The following SELP variants were observed in gnomAD, a reference collection of about 807,000 sequenced individuals.
SELP encodes the protein P-selectin.
A neutral mutation model predicts 104.1 loss-of-function variants in SELP; 92 were observed. The observed-to-expected ratio is 0.88, with a 90% CI of 0.75 to 1.05. The LOEUF (loss-of-function observed/expected upper bound fraction) is 1.05, where lower values mean the gene tolerates loss of function less well. Among genes scored for constraint, SELP ranks in the 50% least tolerant of loss-of-function variants. The pLI is 0.00. For synonymous variants in SELP, 397 were observed against 364.5 expected, an observed-to-expected ratio of 1.09 and a Z score of -1.01; for missense variants, 1,022 against 1,017.3, an observed-to-expected ratio of 1.00 and a Z score of -0.06.
In SELP at chr1:169,609,806, A is replaced by C. The variant is rs1230558995; in HGVS notation, c.1148-117T>G. ...ACATTTTCAGTGTGTTCAGAACCCT[A>C]AAACCTCCATTTTCCAAAAGAGAGA... On this transcript the variant is annotated intron_variant, in intron 7 of 16. Transcript: ENST00000263686. 6.3e-6 allele frequency: 6 copies of C among 949,234 alleles called. No individual in the cohort carries two copies. The East Asian group carries it at 1.6e-4, about 26-fold the overall frequency. The allele number at this position is 949,234 out of a possible 1,614,324, so 58.8% of individuals were successfully genotyped here.
intron 5 of SELP, 104 bp from the exon 6 acceptor site, chr1:169,612,506 G>T: frequency 9.1e-7 from 1 of 1,100,346 alleles, no homozygotes. Context: ...CAAAGTGGCA[G>T]GCAGGTTGAT....
At chr1:169,591,512 G>T in intron 14 of SELP, 56 bp from the exon 15 acceptor site, 3 of 1,268,532 alleles carry the variant, frequency 2.4e-6, no homozygotes, top group Non-Finnish European at 3.3e-6. Flanking sequence ...CAAGATGAAA[G>T]AGAGGGTCAT....
intron 1 of SELP, among the ~76,000 whole-genome samples, chr1:169,625,774 T>G (rs1352247226): frequency 6.6e-6 from 1 of 152,200 alleles, no homozygotes; most frequent in Non-Finnish European, 1.5e-5. Flanking sequence ...TTTACAGTAG[T>G]GATAATAGCT....
chr1:169,624,091 G>T (rs1663260938), intron 1 of SELP, among the ~76,000 whole-genome samples: 2 of 152,332 alleles, frequency 1.3e-5, no homozygotes, highest in East Asian at 3.9e-4. Flanking sequence ...TGTGTTAACT[G>T]TAAGGCAACT....
intron 7 of SELP, among the ~76,000 whole-genome samples, chr1:169,610,515 G>A (rs2235304): frequency 0.06 from 9,063 of 152,106 alleles, 399 homozygotes; most frequent in East Asian, 0.19. Flanking sequence ...CCAAAAATCC[G>A]GCTGAGCACA....
At chr1:169,597,949 T>A (rs1661716703) in intron 10 of SELP, among the ~76,000 whole-genome samples, 1 of 152,182 alleles carries the variant, frequency 6.6e-6, no homozygotes, top group Admixed American at 6.5e-5. Flanking sequence ...ATTCTTCAAC[T>A]TTTTGTCTGA....
chr1:169,621,724 G>A lies in SELP; in HGVS notation c.4-2505C>T, dbSNP rs3917689. Among the ~76,000 whole-genome samples, 1,046 of 152,292 alleles carry A rather than the reference G, an allele frequency of 6.9e-3. 12 individuals are homozygous for A. Among genetic ancestry groups the A allele is most frequent in the African/African-American group, 0.024 (997 of 41,550 alleles). The stretch of plus-strand genomic sequence containing the variant: ...ACTTTGGTAAGTAGGCATATTTTGT[G>A]TTCTTATAAGCTGCTGATCTCTGCA... On this transcript the variant is annotated intron_variant, in intron 1 of 16. Transcript: ENST00000263686.
chr1:169,597,028 A>T lies in SELP; in HGVS notation c.1854T>A (p.Thr618=). Residue 618 remains threonine, a synonymous_variant, in exon 11 of 17, where the codon ACT becomes ACA. Coordinates refer to ENST00000263686, the MANE Select transcript of SELP (RefSeq NM_003005.4). ...GTGGAGTAGCTGACCATCTTCCAGA[A>T]GTTGTGCATTCCACATTATTGGGCC... ...LEGPNNVECT[T]SGRWSATPPT... The T allele has an allele frequency of 6.2e-7, 1 of 1,613,098 alleles. No individual in the cohort carries two copies. Among genetic ancestry groups the T allele is most frequent in the Non-Finnish European group, 8.5e-7 (1 of 1,179,480 alleles).
Position 169,606,998 on chromosome 1 carries a change from T to A in SELP, c.1470A>T (p.Leu490=). 1 of 1,613,870 alleles carries A rather than the reference T, an allele frequency of 6.2e-7. No homozygotes were observed. Among genetic ancestry groups the A allele is most frequent in the South Asian group, 1.1e-5 (1 of 91,046 alleles). The part of the protein sequence containing the change: ...EGLLLVGASV[L]QCLATGNWNS... The stretch of plus-strand genomic sequence containing the variant: ...TCCAGTTTCCAGTAGCCAAGCACTG[T>A]AGCACACTTGCTCCCACCAGGAGCA... Residue 490 remains leucine (L), a synonymous_variant, in exon 9 of 17, where the codon CTA becomes CTT. Transcript: ENST00000263686.
At chr1:169,608,460 T>A (rs574152211) in intron 8 of SELP, among the ~76,000 whole-genome samples, 1 of 152,322 alleles carries the variant, frequency 6.6e-6, no homozygotes, top group East Asian at 1.9e-4. Flanking sequence ...AATCATACAG[T>A]ATTTGTCCTT....
intron 1 of SELP, among the ~76,000 whole-genome samples, chr1:169,623,242 T>C (rs576525816): frequency 2.0e-5 from 3 of 152,192 alleles, no homozygotes; most frequent in African/African-American, 7.2e-5. Context: ...AGTGGTACTC[T>C]TCCTGTGGAA....
rs13306840 is a variant in SELP at position 169,594,611 on chromosome 1, A to G, written c.2287+81T>C. On this transcript the variant is annotated intron_variant, in intron 13 of 16. Coordinates refer to ENST00000263686, the MANE Select transcript of SELP (RefSeq NM_003005.4). ...CCCGGGGATGGAAAGCAAGACCACT[A>G]TGAGAAAGACACAGGGAAGAAACAC... 456 of 1,395,922 alleles carry G rather than the reference A, an allele frequency of 3.3e-4. 8 individuals carry two copies. In the East Asian group the frequency reaches 5.3e-3, roughly 16 times the overall value. 86.5% of individuals were successfully genotyped at this position (1,395,922 alleles called of 1,614,324 possible). A position where few individuals can be genotyped will look rare whatever the true frequency, so the allele number is the denominator to read the frequency against.
chr1:169,591,116 C>A (rs1032086147), intron 15 of SELP, among the ~76,000 whole-genome samples: 1 of 152,138 alleles, frequency 6.6e-6, no homozygotes, highest in African/African-American at 2.4e-5. Flanking sequence ...AGTCCACCTG[C>A]GTGGGCGTTG....
chr1:169,603,781 C>G (rs1433648672), intron 9 of SELP, among the ~76,000 whole-genome samples: 2 of 152,196 alleles, frequency 1.3e-5, no homozygotes, highest in Admixed American at 1.3e-4. Context: ...GCCTCAGTTG[C>G]TTTATCTTCG....
At chr1:169,610,615 G>A (rs1662473101) in intron 7 of SELP, among the ~76,000 whole-genome samples, 1 of 151,994 alleles carries the variant, frequency 6.6e-6, no homozygotes, top group African/African-American at 2.4e-5. Flanking sequence ...TGGCCAAAGT[G>A]GTGAAACCCT....
intron 5 of SELP, 122 bp from the exon 6 acceptor site, chr1:169,612,524 A>G: frequency 1.2e-6 from 1 of 805,648 alleles, no homozygotes; most frequent in Non-Finnish European, 2.0e-6. Flanking sequence ...GATGCACTAG[A>G]ATGGTTAAAT....
intron 8 of SELP, among the ~76,000 whole-genome samples, chr1:169,608,891 C>G (rs3917871): frequency 5.3e-5 from 8 of 152,252 alleles, no homozygotes; most frequent in Non-Finnish European, 1.2e-4. Flanking sequence ...ACCCGCCCCC[C>G]ATGAGTGCCT....
At position 169,593,642 on chromosome 1, in the gene SELP, C is replaced by T. The variant is rs975302306; in HGVS notation, c.2370G>A (p.Thr790=). The T allele has an allele frequency of 3.1e-6, 5 of 1,613,134 alleles. No individual in the cohort carries two copies. Among genetic ancestry groups the T allele is most frequent in the East Asian group, 2.2e-5 (1 of 44,876 alleles). Residue 790 remains threonine (T), a synonymous_variant, in exon 14 of 17, where the codon ACG becomes ACA. Transcript: ENST00000263686. ...ASTIGLIMGG[T]LLALLRKRFR... is the part of the protein sequence containing the mutation. ...AACGCTTTCTTAGCAAAGCCAGGAG[C>T]GTCCCACCCATTATCAGACCTATCG...
intron 5 of SELP, 40 bp from the exon 6 acceptor site, chr1:169,612,442 A>G: frequency 1.2e-6 from 2 of 1,601,546 alleles, no homozygotes; most frequent in African/African-American, 2.7e-5. Flanking sequence ...GTCCTTGGAC[A>G]AATTTTGTCC....
Sources: gnomAD v4.1 joint callset for allele counts (sites outside exome capture counted in the v4.1 genomes callset) on GRCh38, gnomAD v4.1.1 for gene constraint, MANE v1.5 for transcripts, NCBI Gene and HGNC (gene_info 2026-07-23, HGNC 2026-07-21) for gene names.